Variants in KCTD16 observed in about 807,000 individuals in gnomAD.
The protein encoded by KCTD16 is BTB/POZ domain-containing protein KCTD16.
In KCTD16, 13 loss-of-function variants were observed where a neutral mutation model predicts 33.2. That is an observed-to-expected ratio of 0.39 (90% CI 0.25 to 0.62). The LOEUF is 0.62. KCTD16 is among the 20% of genes least tolerant of loss of function. KCTD16 has a pLI of 0.50. For missense variants in KCTD16, 441 were observed against 525.1 expected, an observed-to-expected ratio of 0.84 and a Z score of 1.57; for synonymous variants, 197 against 195.3, an observed-to-expected ratio of 1.01 and a Z score of -0.07.
chr5:144,471,756 A>G (rs1349423589), intron 3 of KCTD16, among the ~76,000 whole-genome samples: 1 of 152,196 alleles, frequency 6.6e-6, no homozygotes, highest in Non-Finnish European at 1.5e-5. Flanking sequence ...GCATGACATA[A>G]CTAGAACAAT....
chr5:144,233,614 T>C (rs1437469886), intron 3 of KCTD16, among the ~76,000 whole-genome samples: 1 of 152,154 alleles, frequency 6.6e-6, no homozygotes, highest in Non-Finnish European at 1.5e-5. Flanking sequence ...GTTCTGTCCA[T>C]CATAGCCCTG....
chr5:144,252,166 T>C (rs942898152), intron 3 of KCTD16, among the ~76,000 whole-genome samples: 1 of 152,158 alleles, frequency 6.6e-6, no homozygotes, highest in Non-Finnish European at 1.5e-5. Flanking sequence ...TACAATATGG[T>C]ATTATTAACT....
chr5:144,239,955 A>G (rs947448774), intron 3 of KCTD16, among the ~76,000 whole-genome samples: 3 of 152,088 alleles, frequency 2.0e-5, no homozygotes, highest in Non-Finnish European at 2.9e-5. Context: ...GGATAATAGT[A>G]ATTGCTTCCA....
chr5:144,435,593 A>G (rs1753557399), intron 3 of KCTD16, among the ~76,000 whole-genome samples: 1 of 152,260 alleles, frequency 6.6e-6, no homozygotes, highest in African/African-American at 2.4e-5. Context: ...TCTTGCACAT[A>G]TACTATTCTA....
intron 3 of KCTD16, among the ~76,000 whole-genome samples, chr5:144,217,291 G>T (rs1371904844): frequency 1.3e-5 from 2 of 152,192 alleles, no homozygotes; most frequent in Non-Finnish European, 2.9e-5. Context: ...ATGGAAGGTA[G>T]AATCCAGTTT....
At chr5:144,306,269 C>G (rs1561561202) in intron 3 of KCTD16, among the ~76,000 whole-genome samples, 1 of 152,240 alleles carries the variant, frequency 6.6e-6, no homozygotes, top group Non-Finnish European at 1.5e-5. Context: ...CTGTTGTGTA[C>G]TTGCCTGGGC....
chr5:144,309,118 C>G (rs1751687460), intron 3 of KCTD16, among the ~76,000 whole-genome samples: 1 of 152,062 alleles, frequency 6.6e-6, no homozygotes, highest in South Asian at 2.1e-4. Context: ...TTTCACGCTG[C>G]CTTTTTTCTG....
chr5:144,252,958 A>G (rs925086293), intron 3 of KCTD16, among the ~76,000 whole-genome samples: 1 of 151,308 alleles, frequency 6.6e-6, no homozygotes, highest in African/African-American at 2.4e-5. Flanking sequence ...ATTGCTTTAA[A>G]ATCAGTAGCT....
intron 3 of KCTD16, among the ~76,000 whole-genome samples, chr5:144,343,698 C>A (rs993160538): frequency 6.6e-6 from 1 of 152,148 alleles, no homozygotes; most frequent in Non-Finnish European, 1.5e-5. Context: ...ATCTTTCCTG[C>A]TCTCTCTTGT....
At chr5:144,248,953 C>T (rs1754623792) in intron 3 of KCTD16, among the ~76,000 whole-genome samples, 1 of 152,160 alleles carries the variant, frequency 6.6e-6, no homozygotes, top group African/African-American at 2.4e-5. Flanking sequence ...ATAACAAAGA[C>T]TCTGCCTCTT....
intron 3 of KCTD16, among the ~76,000 whole-genome samples, chr5:144,432,983 G>T (rs1331272065): frequency 6.6e-6 from 1 of 152,048 alleles, no homozygotes; most frequent in African/African-American, 2.4e-5. Context: ...TTACTCATGG[G>T]ATAATAGATT....
intron 3 of KCTD16, among the ~76,000 whole-genome samples, chr5:144,252,591 G>T (rs139667949): frequency 1.3e-5 from 2 of 151,434 alleles, no homozygotes; most frequent in African/African-American, 4.9e-5. Flanking sequence ...ATTGGCATCT[G>T]CAGTCTCACA....
intron 2 of KCTD16, among the ~76,000 whole-genome samples, chr5:144,194,274 A>G (rs1290821738): frequency 6.6e-6 from 1 of 152,272 alleles, no homozygotes; most frequent in Non-Finnish European, 1.5e-5. Context: ...ATGGGGCCAG[A>G]GATGGTGACA....
chr5:144,341,762 G>C (rs1157719712), intron 3 of KCTD16, among the ~76,000 whole-genome samples: 1 of 152,108 alleles, frequency 6.6e-6, no homozygotes, highest in Admixed American at 6.5e-5. Context: ...GGGGATCAAG[G>C]CACTTTCAAT....
At chr5:144,464,708 C>T (rs79167250) in intron 3 of KCTD16, among the ~76,000 whole-genome samples, 7 of 150,640 alleles carry the variant, frequency 4.6e-5, no homozygotes, top group South Asian at 2.1e-4. Context: ...CTTCCTCCTC[C>T]TCTTCTTCTT....
intron 3 of KCTD16, among the ~76,000 whole-genome samples, chr5:144,285,609 A>T (rs1426843618): frequency 6.6e-6 from 1 of 152,140 alleles, no homozygotes; most frequent in Non-Finnish European, 1.5e-5. Flanking sequence ...TGGGTCTTTC[A>T]CTGGGGTCTA....
At chr5:144,440,965 C>T (rs574182766) in intron 3 of KCTD16, among the ~76,000 whole-genome samples, 1 of 149,348 alleles carries the variant, frequency 6.7e-6, no homozygotes, top group South Asian at 2.2e-4. Context: ...GTTCAGTTAC[C>T]ACCTGTGAGT....
intron 3 of KCTD16, among the ~76,000 whole-genome samples, chr5:144,282,435 G>A (rs770236362): frequency 6.6e-6 from 1 of 152,008 alleles, no homozygotes; most frequent in Non-Finnish European, 1.5e-5. Context: ...GTAAGTGTAA[G>A]TAAAGCACTT....
intron 1 of KCTD16, among the ~76,000 whole-genome samples, chr5:144,173,146 T>C (rs1006137549): frequency 1.3e-5 from 2 of 152,206 alleles, no homozygotes; most frequent in African/African-American, 4.8e-5. Flanking sequence ...CCCAAAAGGA[T>C]ATAAATCAGT....
Sources: gnomAD v4.1 joint callset for allele counts (sites outside exome capture counted in the v4.1 genomes callset) on GRCh38, gnomAD v4.1.1 for gene constraint, MANE v1.5 for transcripts, NCBI Gene and HGNC (gene_info 2026-07-23, HGNC 2026-07-21) for gene names.